PFKP: variants seen among roughly 807,000 people sequenced by gnomAD.
PFKP encodes ATP-dependent 6-phosphofructokinase, platelet type.
In PFKP, 101 loss-of-function variants were observed where a neutral mutation model predicts 94.3. The ratio of observed to expected loss-of-function variants is 1.07; its 90% CI spans 0.91 to 1.26. PFKP has a LOEUF of 1.26. Among genes scored for constraint, PFKP ranks in the 50% most tolerant of loss-of-function variants. The pLI is 0.00. For missense variants in PFKP, 1,145 were observed against 1,103.3 expected (o/e 1.04, Z -0.53); for synonymous variants, 573 against 432.6 (o/e 1.32, Z -4.03).
Position 3,113,165 on chromosome 10 carries a change from C to A in PFKP, c.1201C>A (p.Leu401Met). 1 of 1,612,864 alleles carries A rather than the reference C, an allele frequency of 6.2e-7. No homozygotes were observed. Among genetic ancestry groups the A allele is most frequent in the Non-Finnish European group, 8.5e-7 (1 of 1,179,534 alleles). The change falls in exon 12 of 22, where the codon CTG becomes ATG. Residue 401 changes from leucine (L) to methionine (M), a missense_variant. By Grantham distance (15) the Leu-to-Met change is conservative. Transcript: ENST00000381125. ...LNTYKRLAIK[L>M]PDDQIPKTNC... is the part of the protein sequence containing the mutation. ...CACCTACAAGCGACTTGCCATCAAG[C>A]TGCCGGATGATCAGATCCCAAAGGT... is the stretch of plus-strand genomic sequence containing the variant.
chr10:3,069,276 C>T, intron 1 of PFKP: 2 of 1,499,780 alleles, frequency 1.3e-6, no homozygotes, highest in Non-Finnish European at 1.8e-6. Context: ...TCCTGCAGGG[C>T]TGGGTTCTCA....
At position 3,088,396 on chromosome 10, in the gene PFKP, CTGA is replaced by C. The variant is rs1348925215; in HGVS notation, c.186+5938_186+5940del. On this transcript the variant is annotated intron_variant, in intron 2 of 21. Transcript: ENST00000381125. The stretch of plus-strand genomic sequence containing the variant: ...CACATTTTCTTAATCCAGTCTATCA[CTGA>C]TGGGCATTTGGGGTGGTTCCAAGTC... Among the ~76,000 whole-genome samples the C allele has an allele frequency of 6.6e-5, 10 of 152,236 alleles. 1 individual carries two copies. Among genetic ancestry groups the C allele is most frequent in the African/African-American group, 2.4e-4 (10 of 41,524 alleles).
rs111569102 is a variant in PFKP at position 3,074,413 on chromosome 10, T to C, written c.112+6706T>C. On this transcript the variant is annotated intron_variant, in intron 1 of 21. Transcript: ENST00000381125. ...GTGGCCCAGTGGAGGACTTTGGCTT[T>C]GCCTTGGGTGAACTGGGAAGCAGGT... is the stretch of plus-strand genomic sequence containing the variant. Among the ~76,000 whole-genome samples the C allele has an allele frequency of 2.3e-3, 351 of 152,294 alleles. 3 individuals are homozygous for C. The highest frequency in any genetic ancestry group is 8.0e-3 in the African/African-American group (334 of 41,564).
chr10:3,112,591 T>C (rs999889055), intron 11 of PFKP, among the ~76,000 whole-genome samples: 2 of 152,208 alleles, frequency 1.3e-5, no homozygotes, highest in Admixed American at 6.5e-5. Flanking sequence ...GGAGTCTCCT[T>C]CTGTTGCCTA....
chr10:3,086,615 T>C (rs531568956), intron 2 of PFKP, among the ~76,000 whole-genome samples: 1 of 151,938 alleles, frequency 6.6e-6, no homozygotes, highest in East Asian at 1.9e-4. Context: ...CAGACCCAAA[T>C]GTTGGTAGAA....
rs112050754 is a variant in PFKP at position 3,115,944 on chromosome 10, C to T, written c.1372-832C>T. On this transcript the variant is annotated intron_variant, in intron 13 of 21. Transcript: ENST00000381125. ...CCGCCCTTCTGTGTTGGCCCATCCA[C>T]CCGCATCTCAGCAGCAGGAACCGGA... is the stretch of plus-strand genomic sequence containing the variant. Among the ~76,000 whole-genome samples the T allele has an allele frequency of 7.3e-3, 1,116 of 152,272 alleles. 14 individuals carry two copies. The highest frequency in any genetic ancestry group is 0.026 in the African/African-American group (1,060 of 41,538).
rs1588457110 is a variant in PFKP, at chr10:3,099,263, T to C, written c.187-12T>C. 1.2e-6 allele frequency: 2 copies of C among 1,604,902 alleles called. No individual in the cohort carries two copies. Among genetic ancestry groups the C allele is most frequent in the Non-Finnish European group, 1.7e-6 (2 of 1,171,878 alleles). ...TATCTCATTTTTAAAAGATTCTCCC[T>C]TTCTCCCCTAGGGCTACCAGGGCAT... On this transcript the variant is annotated splice_polypyrimidine_tract_variant and intron_variant, in intron 2 of 21. Transcript: ENST00000381125.
chr10:3,113,084 C>T, intron 11 of PFKP, 35 bp from the exon 12 acceptor site: 3 of 1,596,142 alleles, frequency 1.9e-6, no homozygotes, highest in African/African-American at 1.3e-5. Flanking sequence ...GTCCGGTATT[C>T]TCGACTCCGG....
chr10:3,135,208 C>CTTAATCAGTCATAGCAGATGTGTGCTTTT (rs1369441852), intron 20 of PFKP, among the ~76,000 whole-genome samples: 2 of 152,202 alleles, frequency 1.3e-5, no homozygotes. Context: ...CCTCAGCTTT[C>CTTAATCAGTCATAGCAGATGTGTGCTTTT]TTAATCAGTC....
At chr10:3,131,694 G>A (rs1424658414) in intron 17 of PFKP, among the ~76,000 whole-genome samples, 1 of 151,988 alleles carries the variant, frequency 6.6e-6, no homozygotes, top group African/African-American at 2.4e-5. Context: ...CCTGACCTCA[G>A]GCAATCTATC....
rs78453945 is a variant in PFKP at position 3,107,790 on chromosome 10, C to G, written c.870+481C>G. On this transcript the variant is annotated intron_variant, in intron 8 of 21. Coordinates refer to ENST00000381125, the MANE Select transcript of PFKP (RefSeq NM_002627.5). Reference sequence around the variant, plus strand: ...CCTCGTGGCCCTGCCTGGGAACAGGCTTTGGCAGGCTTTGGCAGGCTTCGT... The same window carrying G: ...CCTCGTGGCCCTGCCTGGGAACAGGGTTTGGCAGGCTTTGGCAGGCTTCGT... 1.4e-3 allele frequency: 1,649 copies of G among 1,198,916 alleles called. 11 individuals are homozygous for G. The African/African-American group carries it at 0.024, about 18-fold the overall frequency. 74.3% of individuals were successfully genotyped at this position (1,198,916 alleles called of 1,614,324 possible).
chr10:3,096,202 A>C (rs868619930), intron 2 of PFKP, among the ~76,000 whole-genome samples: 9 of 152,138 alleles, frequency 5.9e-5, no homozygotes, highest in African/African-American at 9.7e-5. Context: ...GTGGCGGTTG[A>C]CTTGGAAGCA....
intron 16 of PFKP, among the ~76,000 whole-genome samples, chr10:3,121,581 GTTT>G (rs10528387): frequency 2.6e-3 from 350 of 133,078 alleles, no homozygotes; most frequent in East Asian, 5.7e-3. Flanking sequence ...ATAAATAACT[GTTT>G]TTTTTTTTTT....
chr10:3,104,341 G>A (rs563454291), intron 5 of PFKP, among the ~76,000 whole-genome samples: 2 of 152,342 alleles, frequency 1.3e-5, no homozygotes, highest in African/African-American at 4.8e-5. Context: ...TGTCGTGGGG[G>A]CCACAGCGTT....
At chr10:3,081,253 A>G (rs952972756) in intron 1 of PFKP, among the ~76,000 whole-genome samples, 4 of 152,194 alleles carry the variant, frequency 2.6e-5, no homozygotes, top group Non-Finnish European at 5.9e-5. Flanking sequence ...ACCTGGCCCA[A>G]TGTAATTGAA....
At chr10:3,126,821 C>G (rs1024070838) in intron 16 of PFKP, among the ~76,000 whole-genome samples, 2 of 152,248 alleles carry the variant, frequency 1.3e-5, no homozygotes, top group African/African-American at 4.8e-5. Context: ...TGGGACTCCT[C>G]GGGGAATTTC....
chr10:3,079,561 CCTT>C (rs1348971251), intron 1 of PFKP, among the ~76,000 whole-genome samples: 1 of 150,744 alleles, frequency 6.6e-6, no homozygotes, highest in Non-Finnish European at 1.5e-5. Flanking sequence ...GAATTTTATT[CCTT>C]CTTCTATGTC....
At chr10:3,092,095 G>A (rs556114189) in intron 2 of PFKP, among the ~76,000 whole-genome samples, 7 of 152,042 alleles carry the variant, frequency 4.6e-5, no homozygotes, top group African/African-American at 1.7e-4. Flanking sequence ...CCTGACCCCC[G>A]CCACCGGCCC....
chr10:3,077,249 C>CTT (rs35306351), intron 1 of PFKP, among the ~76,000 whole-genome samples: 57 of 108,206 alleles, frequency 5.3e-4, no homozygotes, highest in Non-Finnish European at 8.2e-4. Flanking sequence ...CTATTCTTTA[C>CTT]TTTTTTTTTT....
Sources: allele counts gnomAD v4.1 joint callset (sites outside exome capture counted in the v4.1 genomes callset), GRCh38; gene constraint gnomAD v4.1.1; transcripts MANE v1.5; gene names NCBI Gene and HGNC (gene_info 2026-07-23, HGNC 2026-07-21).